The following FGF14 variants were observed in gnomAD, a reference collection of about 807,000 sequenced individuals.
FGF14 encodes fibroblast growth factor 14.
FGF14 carries 5 observed loss-of-function variants against 25.5 expected under a neutral mutation model. The ratio of observed to expected loss-of-function variants is 0.20; its 90% CI spans 0.10 to 0.41. The LOEUF (loss-of-function observed/expected upper bound fraction) is 0.41. FGF14 is among the 10% of genes least tolerant of loss of function. The pLI, the probability that FGF14 is intolerant of heterozygous loss-of-function variation, is 1.00. For missense variants in FGF14, 222 were observed against 320.1 expected (o/e 0.69, Z 2.34); for synonymous variants, 138 against 118.3 (o/e 1.17, Z -1.08).
At chr13:102,191,573 G>T (rs2049125499) in intron 1 of FGF14, among the ~76,000 whole-genome samples, 3 of 151,998 alleles carry the variant, frequency 2.0e-5, no homozygotes, top group South Asian at 4.2e-4. Flanking sequence ...CCTCATCTCT[G>T]AATATCATCA....
At chr13:102,283,475 G>C (rs1392936838) in intron 1 of FGF14, among the ~76,000 whole-genome samples, 1 of 152,170 alleles carries the variant, frequency 6.6e-6, no homozygotes, top group Non-Finnish European at 1.5e-5. Context: ...CATATTAAGT[G>C]ATCTAGAAGG....
intron 1 of FGF14, among the ~76,000 whole-genome samples, chr13:102,016,259 C>T (rs1042427921): frequency 3.9e-5 from 6 of 152,036 alleles, no homozygotes; most frequent in African/African-American, 1.4e-4. Context: ...TCTCTTCCTG[C>T]ACCACAATAT....
At chr13:101,782,426 T>C (rs1354371274) in intron 3 of FGF14, among the ~76,000 whole-genome samples, 1 of 152,228 alleles carries the variant, frequency 6.6e-6, no homozygotes, top group Non-Finnish European at 1.5e-5. Flanking sequence ...TGTGCAGGTT[T>C]GTTACATAGG....
intron 1 of FGF14, chr13:102,393,853 T>G (rs2058495485): frequency 6.6e-6 from 1 of 152,186 alleles, no homozygotes; most frequent in Admixed American, 6.5e-5. Context: ...ACAGGTTGTT[T>G]GTGATCGCTA....
At chr13:102,224,873 G>A (rs2050765242) in intron 1 of FGF14, among the ~76,000 whole-genome samples, 1 of 152,104 alleles carries the variant, frequency 6.6e-6, no homozygotes, top group Admixed American at 6.6e-5. Context: ...ATCTAAGTTG[G>A]TGCACTGAAC....
chr13:101,722,304 A>G lies in FGF14; in HGVS notation c.*527T>C, dbSNP rs2035048441. On this transcript the variant is annotated 3_prime_UTR_variant, in exon 5 of 5. Coordinates refer to ENST00000376143, the MANE Select transcript of FGF14 (RefSeq NM_004115.4). ...ACCTAAGCCAACTGCAACATTTAAG[A>G]TTTAGAGGAACAAAATCCCTGCAAA... 5.6e-6 allele frequency: 1 copy of G among 177,892 alleles called. No individual in the cohort carries two copies. The highest frequency in any genetic ancestry group is 2.4e-5 in the African/African-American group (1 of 41,766). 11.0% of individuals were successfully genotyped at this position (177,892 alleles called of 1,614,324 possible).
chr13:102,340,937 T>C (rs892859975), intron 1 of FGF14, among the ~76,000 whole-genome samples: 5 of 152,228 alleles, frequency 3.3e-5, no homozygotes, highest in Non-Finnish European at 5.9e-5. Flanking sequence ...GATGCTGAGA[T>C]TTTTATTAAG....
chr13:102,177,029 C>T (rs535775723), intron 1 of FGF14, among the ~76,000 whole-genome samples: 1 of 152,222 alleles, frequency 6.6e-6, no homozygotes, highest in East Asian at 1.9e-4. Context: ...TTCATAAAAA[C>T]ATCAATCAAC....
intron 1 of FGF14, among the ~76,000 whole-genome samples, chr13:101,943,223 G>C (rs1010715024): frequency 1.3e-5 from 2 of 152,108 alleles, no homozygotes; most frequent in Non-Finnish European, 2.9e-5. Context: ...TCACTCTTCC[G>C]GGTTCCATAC....
At chr13:101,789,364 T>C (rs1226430181) in intron 3 of FGF14, among the ~76,000 whole-genome samples, 2 of 152,086 alleles carry the variant, frequency 1.3e-5, no homozygotes, top group Non-Finnish European at 2.9e-5. Context: ...TTTTCAGAGA[T>C]TCATAGGTGC....
intron 1 of FGF14, among the ~76,000 whole-genome samples, chr13:102,258,298 G>A (rs530452118): frequency 1.3e-5 from 2 of 152,254 alleles, no homozygotes; most frequent in East Asian, 3.9e-4. Flanking sequence ...GAGCACAGCA[G>A]CAGCTTCAGC....
At chr13:101,758,667 A>G (rs190080052) in intron 3 of FGF14, among the ~76,000 whole-genome samples, 4 of 152,272 alleles carry the variant, frequency 2.6e-5, no homozygotes, top group Middle Eastern at 3.4e-3. Context: ...TTCTTGACCT[A>G]ACTTTCTAGT....
intron 1 of FGF14, among the ~76,000 whole-genome samples, chr13:101,883,557 A>T (rs932591574): frequency 6.6e-6 from 1 of 152,182 alleles, no homozygotes; most frequent in Non-Finnish European, 1.5e-5. Context: ...TTAAACCAAT[A>T]GCATGATGTG....
chr13:101,814,086 C>T (rs1449296453), intron 3 of FGF14, among the ~76,000 whole-genome samples: 1 of 152,168 alleles, frequency 6.6e-6, no homozygotes, highest in Non-Finnish European at 1.5e-5. Context: ...TTCTTACAGG[C>T]TCAGCAAGTA....
chr13:102,241,773 C>T (rs1467008931), intron 1 of FGF14, among the ~76,000 whole-genome samples: 1 of 152,002 alleles, frequency 6.6e-6, no homozygotes, highest in Non-Finnish European at 1.5e-5. Flanking sequence ...ATAGACAAAC[C>T]ACTGGGGACA....
chr13:102,008,223 C>T (rs1348999961), intron 1 of FGF14, among the ~76,000 whole-genome samples: 2 of 152,192 alleles, frequency 1.3e-5, no homozygotes, highest in Non-Finnish European at 2.9e-5. Flanking sequence ...GAGACTGGCA[C>T]AAATCTTTAC....
rs2034753133 is a variant in FGF14 at position 101,717,102 on chromosome 13, A to G, written c.*5729T>C. On this transcript the variant is annotated 3_prime_UTR_variant, in exon 5 of 5. Coordinates refer to ENST00000376143, the MANE Select transcript of FGF14 (RefSeq NM_004115.4). The stretch of plus-strand genomic sequence containing the variant: ...ATTTCCGTATTACTTTAAGATGAAA[A>G]TTTTTACTTGGAAATTTTATTTTAA... 1 of 152,096 alleles carries G rather than the reference A, an allele frequency of 6.6e-6. No individual in the cohort carries two copies. The highest frequency in any genetic ancestry group is 1.5e-5 in the Non-Finnish European group (1 of 68,000). The allele number at this position is 152,096 out of a possible 1,614,324, so 9.4% of individuals were successfully genotyped here. A position where few individuals can be genotyped will look rare whatever the true frequency, so the allele number is the denominator to read the frequency against.
At chr13:102,014,649 T>A (rs1039388806) in intron 1 of FGF14, among the ~76,000 whole-genome samples, 1 of 152,212 alleles carries the variant, frequency 6.6e-6, no homozygotes, top group Non-Finnish European at 1.5e-5. Flanking sequence ...AGACATATAA[T>A]GGCTTTTGAT....
At chr13:101,807,578 A>G (rs946269804) in intron 3 of FGF14, among the ~76,000 whole-genome samples, 2 of 152,072 alleles carry the variant, frequency 1.3e-5, no homozygotes, top group Non-Finnish European at 2.9e-5. Flanking sequence ...CTCACCTAAC[A>G]TTTTATAATT....
Sources: gnomAD v4.1 joint callset for allele counts (sites outside exome capture counted in the v4.1 genomes callset) on GRCh38, gnomAD v4.1.1 for gene constraint, MANE v1.5 for transcripts, NCBI Gene and HGNC (gene_info 2026-07-23, HGNC 2026-07-21) for gene names.